The following SCNN1A variants were observed in gnomAD, a reference collection of about 807,000 sequenced individuals.
SCNN1A encodes epithelial sodium channel subunit alpha.
In SCNN1A, 65 loss-of-function variants were observed where a neutral mutation model predicts 68.6. The observed-to-expected ratio is 0.95, with a 90% CI of 0.78 to 1.16. The LOEUF is 1.16. Among genes scored for constraint, SCNN1A ranks in the 50% most tolerant of loss-of-function variants. The pLI is 0.00. For synonymous variants in SCNN1A, 357 were observed against 353.3 expected (o/e 1.01, Z -0.12); for missense variants, 880 against 865.9 (o/e 1.02, Z -0.20).
At chr12:6,360,865 C>T (rs768357067) in intron 4 of SCNN1A, among the ~76,000 whole-genome samples, 1 of 152,232 alleles carries the variant, frequency 6.6e-6, no homozygotes, top group Non-Finnish European at 1.5e-5. Flanking sequence ...TAACAGGGGT[C>T]CTCACAGAAT....
upstream of SCNN1A, chr12:6,376,340 A>G (rs1948908775): frequency 1.4e-5 from 3 of 214,142 alleles, no homozygotes; most frequent in South Asian, 4.9e-4. Context: ...TCTTTTTTAC[A>G]CTGTTGGCTG....
At chr12:6,356,437 G>GGAATGAATGAATGAAT (rs148812103) in intron 4 of SCNN1A, 1 of 169,118 alleles carries the variant, frequency 5.9e-6, no homozygotes, top group East Asian at 1.6e-4. Flanking sequence ...TGTTGAGTGA[G>GGAATGAATGAATGAAT]GAATGAATGA....
intron 1 of SCNN1A, 71 bp downstream of exon 1, chr12:6,375,434 C>T (rs930827931): frequency 2.3e-5 from 36 of 1,533,274 alleles, no homozygotes; most frequent in Non-Finnish European, 3.0e-5. Context: ...TTCCCACTCC[C>T]AGGTTGCGGC....
chr12:6,377,333 C>A, upstream of SCNN1A: 1 of 1,393,828 alleles, frequency 7.2e-7, no homozygotes, highest in Non-Finnish European at 9.9e-7. Context: ...CTGACCCTTC[C>A]CAAGGATAAA....
rs775891291 is a variant in SCNN1A, at chr12:6,348,215, G to A, written c.1668C>T (p.Ser556=). The change falls in exon 13 of 13, where the codon AGC becomes AGT. Residue 556 remains serine (S), a synonymous_variant. Coordinates refer to ENST00000228916, the MANE Select transcript of SCNN1A (RefSeq NM_001038.6). The stretch of plus-strand genomic sequence containing the variant: ...ACAACACCGAGGAGCCGAACCACAG[G>A]CTCCACTGGCTGCCCAGGTTGGACA... The part of the protein sequence containing the change: ...TLLSNLGSQW[S]LWFGSSVLSV... The A allele has an allele frequency of 2.5e-6, 4 of 1,614,010 alleles. No individual in the cohort carries two copies. Among genetic ancestry groups the A allele is most frequent in the Admixed American group, 3.3e-5 (2 of 60,004 alleles).
intron 12 of SCNN1A, 147 bp downstream of exon 12, chr12:6,348,580 C>A (rs1026954651): frequency 1.3e-6 from 1 of 755,444 alleles, no homozygotes; most frequent in African/African-American, 1.8e-5. Flanking sequence ...ACCCTCCCAA[C>A]CTCTCCCTTG....
At chr12:6,368,271 T>C (rs898229045) in intron 2 of SCNN1A, among the ~76,000 whole-genome samples, 6 of 152,142 alleles carry the variant, frequency 3.9e-5, no homozygotes, top group Non-Finnish European at 7.4e-5. Context: ...TTCGATAATA[T>C]TCGTGGACAG....
Position 6,374,574 on chromosome 12 carries a change from G to T in SCNN1A, c.210C>A (p.Gly70=), listed in dbSNP as rs368475363. The change falls in exon 2 of 13, where the codon GGC becomes GGA. Residue 70 remains glycine, a synonymous_variant. Coordinates refer to ENST00000228916, the MANE Select transcript of SCNN1A (RefSeq NM_001038.6). The surrounding 1 kb of genome is among the most constrained non-coding windows in gnomAD (Gnocchi z 6.2). ...GCTGGGAGCACACCAGGCGGATGGC[G>T]CCGTGGATGGTGGTGTTGTTGCAGA... The part of the protein sequence containing the change: ...EFFCNNTTIH[G]AIRLVCSQHN... 9 of 1,614,012 alleles carry T rather than the reference G, an allele frequency of 5.6e-6. No homozygotes were observed. The highest frequency in any genetic ancestry group is 6.8e-6 in the Non-Finnish European group (8 of 1,180,034).
chr12:6,362,168 C>A lies in SCNN1A; in HGVS notation c.758G>T (p.Arg253Leu). 1 of 1,614,120 alleles carries A rather than the reference C, an allele frequency of 6.2e-7. No homozygotes were observed. The highest frequency in any genetic ancestry group is 1.3e-5 in the African/African-American group (1 of 75,050). Residue 253 changes from arginine to leucine, a missense_variant, in exon 4 of 13, where the codon CGC becomes CTC. Arg to Leu is a moderately radical substitution (Grantham distance 102). Coordinates refer to ENST00000228916, the MANE Select transcript of SCNN1A (RefSeq NM_001038.6). ...CGACAGGATGTTGATGTAGTGGAAG[C>A]GGTACCACTCCCTCACCGCATCCAC... ...SGVDAVREWY[R>L]FHYINILSRL...
upstream of SCNN1A, chr12:6,377,131 C>T (rs1346570920): frequency 4.3e-6 from 3 of 697,428 alleles, no homozygotes; most frequent in Admixed American, 3.0e-5. Flanking sequence ...AGAGAAAAGG[C>T]AGTACTCCAG....
Position 6,374,402 on chromosome 12 carries a change from G to A in SCNN1A, c.382C>T (p.Pro128Ser), listed in dbSNP as rs2136913368. 1 of 1,614,222 alleles carries A rather than the reference G, an allele frequency of 6.2e-7. No homozygotes were observed. The highest frequency in any genetic ancestry group is 8.5e-7 in the Non-Finnish European group (1 of 1,180,038). ...TTGAGGGTGCAGATGGTCACTGCGG[G>A]GAAGACGAGCTTGTCCGAGTTGAGG... ...INLNSDKLVF[P>S]AVTICTLNPY... Residue 128 changes from proline to serine, a missense_variant, in exon 2 of 13, where the codon CCC becomes TCC. By Grantham distance (74) the Pro-to-Ser change is moderately conservative (BLOSUM62 -1). This residue lies in a region of SCNN1A where 758 missense variants were observed against 721.8 expected (regional missense o/e 1.05). Coordinates refer to ENST00000228916, the MANE Select transcript of SCNN1A (RefSeq NM_001038.6). The surrounding 1 kb of genome is among the most constrained non-coding windows in gnomAD (Gnocchi z 6.2).
At chr12:6,356,424 A>G (rs912293646) in intron 4 of SCNN1A, 1 of 178,374 alleles carries the variant, frequency 5.6e-6, no homozygotes, top group African/African-American at 2.6e-5. Context: ...ATTAATAAAT[A>G]GTTGTTGAGT....
Position 6,347,501 on chromosome 12 carries a change from C to A in SCNN1A, c.*372G>T. 3.6e-6 allele frequency: 1 copy of A among 280,246 alleles called. No homozygotes were observed. The highest frequency in any genetic ancestry group is 4.6e-5 in the Admixed American group (1 of 21,806). 17.4% of individuals were successfully genotyped at this position (280,246 alleles called of 1,614,324 possible). The stretch of plus-strand genomic sequence containing the variant: ...TGGGCAGGAAACCCGTGCATGCCTG[C>A]GTGTACCCTTGGTTGTGTTTTGTCC... On this transcript the variant is annotated 3_prime_UTR_variant, in exon 13 of 13. Transcript: ENST00000228916.
chr12:6,362,785 T>C (rs1469433345), intron 3 of SCNN1A, among the ~76,000 whole-genome samples: 1 of 151,090 alleles, frequency 6.6e-6, no homozygotes, highest in Non-Finnish European at 1.5e-5. Flanking sequence ...GTTCAAGCAA[T>C]TCTCCCATCT....
intron 4 of SCNN1A, among the ~76,000 whole-genome samples, chr12:6,358,980 A>C (rs1392582651): frequency 6.6e-6 from 1 of 152,230 alleles, no homozygotes; most frequent in African/African-American, 2.4e-5. Flanking sequence ...GCTAAATGAA[A>C]GAGGCCACTC....
In SCNN1A at chr12:6,374,850, C is replaced by T. The variant is rs573341191; in HGVS notation, c.-54-13G>A. ...CCAGCTTGTTCCCCTTCATGAGCCC[C>T]GGAGTGGATTGGGGAGAGCAAGGGT... On this transcript the variant is annotated splice_polypyrimidine_tract_variant and intron_variant, in intron 1 of 12. Transcript: ENST00000228916. This position sits in a 1 kb window ranked among gnomAD's most constrained non-coding sequence, Gnocchi z 6.2. 2.9e-4 allele frequency: 476 copies of T among 1,613,918 alleles called. 1 individual carries two copies. Among genetic ancestry groups the T allele is most frequent in the Non-Finnish European group, 3.8e-4 (448 of 1,180,002 alleles).
intron 2 of SCNN1A, among the ~76,000 whole-genome samples, chr12:6,368,831 G>A (rs1295869735): frequency 6.6e-6 from 1 of 152,160 alleles, no homozygotes. Context: ...TGTGTAACTC[G>A]GGGTAAGTGA....
In SCNN1A at chr12:6,374,621, A is replaced by G. The variant is rs1948862683; in HGVS notation, c.163T>C (p.Tyr55His). The change falls in exon 2 of 13, where the codon TAC becomes CAC. Residue 55 changes from tyrosine (Y) to histidine (H), a missense_variant. Around this residue, in one of 3 missense-constraint regions of SCNN1A, gnomAD observed 45 missense variants for 76.7 expected, o/e 0.59. Coordinates refer to ENST00000228916, the MANE Select transcript of SCNN1A (RefSeq NM_001038.6). The surrounding 1 kb of genome is among the most constrained non-coding windows in gnomAD (Gnocchi z 6.2). ...CAGAAGAACTCGAAGAGCTCTCGGT[A>G]GGAGCGGTGGAACTCGATCAGGGCC... is the stretch of plus-strand genomic sequence containing the variant. ...EEALIEFHRS[Y>H]RELFEFFCNN... 6.2e-7 allele frequency: 1 copy of G among 1,613,626 alleles called. No individual in the cohort carries two copies. Among genetic ancestry groups the G allele is most frequent in the Non-Finnish European group, 8.5e-7 (1 of 1,179,846 alleles).
At chr12:6,348,588 T>C in intron 12 of SCNN1A, 139 bp downstream of exon 12, 1 of 670,412 alleles carries the variant, frequency 1.5e-6, no homozygotes, top group East Asian at 4.0e-5. Flanking sequence ...AACCTCTCCC[T>C]TGACCCTCTT....
Sources: allele counts gnomAD v4.1 joint callset (sites outside exome capture counted in the v4.1 genomes callset), GRCh38; gene constraint gnomAD v4.1.1; regional missense constraint gnomAD v4.1.1; non-coding constraint Gnocchi (gnomAD v3.1); transcripts MANE v1.5; gene names NCBI Gene and HGNC (gene_info 2026-07-23, HGNC 2026-07-21).